Variants in CACNA1C observed in about 807,000 individuals in gnomAD.
CACNA1C encodes the protein voltage-dependent L-type calcium channel subunit alpha-1C.
A neutral mutation model predicts 229.0 loss-of-function variants in CACNA1C; 30 were observed. The ratio of observed to expected loss-of-function variants is 0.13; its 90% CI spans 0.10 to 0.18. The LOEUF (loss-of-function observed/expected upper bound fraction) is 0.18. Among genes scored for constraint, CACNA1C ranks in the 10% least tolerant of loss-of-function variants. The pLI is 1.00. For missense variants in CACNA1C, 1,658 were observed against 2,845.0 expected, an observed-to-expected ratio of 0.58 and a Z score of 9.49; for synonymous variants, 1,114 against 1,132.5, an observed-to-expected ratio of 0.98 and a Z score of 0.33.
chr12:2,578,776 C>G (rs1351568788), intron 13 of CACNA1C, among the ~76,000 whole-genome samples: 1 of 152,146 alleles, frequency 6.6e-6, no homozygotes, highest in Non-Finnish European at 1.5e-5. Context: ...GCAGCTTGGA[C>G]TTTCCCAGAC....
At chr12:2,462,702 G>A (rs1197425244) in intron 5 of CACNA1C, among the ~76,000 whole-genome samples, 1 of 152,196 alleles carries the variant, frequency 6.6e-6, no homozygotes, top group Non-Finnish European at 1.5e-5. Context: ...AGTGGTGCCA[G>A]CTTCCTGGAC....
chr12:2,296,211 C>T (rs1255072653), intron 3 of CACNA1C, among the ~76,000 whole-genome samples: 1 of 152,208 alleles, frequency 6.6e-6, no homozygotes, highest in African/African-American at 2.4e-5. Flanking sequence ...GTGATAGTCA[C>T]TCTGTTCTAA....
At chr12:2,074,019 C>T (rs973171626) in intron 1 of CACNA1C, among the ~76,000 whole-genome samples, 1 of 152,100 alleles carries the variant, frequency 6.6e-6, no homozygotes, top group Non-Finnish European at 1.5e-5. Context: ...TAAGCGGCAC[C>T]ACTGCAATTC....
At chr12:2,175,230 T>C (rs547902976) in intron 3 of CACNA1C, among the ~76,000 whole-genome samples, 1 of 152,344 alleles carries the variant, frequency 6.6e-6, no homozygotes, top group East Asian at 1.9e-4. Flanking sequence ...TGTCGAAATA[T>C]CTTTGCCGGT....
intron 3 of CACNA1C, among the ~76,000 whole-genome samples, chr12:2,244,743 A>G (rs1240210053): frequency 6.6e-6 from 1 of 152,244 alleles, no homozygotes; most frequent in African/African-American, 2.4e-5. Flanking sequence ...CCCCTGCAAG[A>G]ATTCACTGAG....
chr12:2,194,204 CCT>C (rs34270954), intron 3 of CACNA1C, among the ~76,000 whole-genome samples: 45,162 of 147,346 alleles, frequency 0.31, 7,772 homozygotes, highest in South Asian at 0.38. Flanking sequence ...CCTGCTCCCC[CCT>C]GTGTTCCTCC....
Position 2,449,133 on chromosome 12 carries a change from T to C in CACNA1C, c.617+18T>C, listed in dbSNP as rs111778211. ...GTTGTGGGGTAAGTATCACTGTCTGTTTCTTTCCCTTTATCTTACCAGTGT... is the reference window on the plus strand; with the variant it reads ...GTTGTGGGGTAAGTATCACTGTCTGCTTCTTTCCCTTTATCTTACCAGTGT... On this transcript the variant is annotated intron_variant, in intron 4 of 46. Coordinates refer to ENST00000399655, the MANE Select transcript of CACNA1C (RefSeq NM_000719.7). 2.0e-6 allele frequency: 3 copies of C among 1,507,674 alleles called. No homozygotes were observed. The highest frequency in any genetic ancestry group is 2.7e-6 in the Non-Finnish European group (3 of 1,124,474). 93.4% of individuals were successfully genotyped at this position (1,507,674 alleles called of 1,614,324 possible).
intron 13 of CACNA1C, among the ~76,000 whole-genome samples, chr12:2,577,982 C>T (rs899808400): frequency 4.1e-4 from 62 of 151,624 alleles, no homozygotes; most frequent in Admixed American, 1.8e-3. Context: ...CATTCTCCTG[C>T]CTCAGCCTCC....
At chr12:2,041,288 T>C in intron 1 of CACNA1C, among the ~76,000 whole-genome samples, 1 of 138,716 alleles carries the variant, frequency 7.2e-6, no homozygotes, top group East Asian at 2.0e-4. Flanking sequence ...TTTTTTTTTT[T>C]TTTTTTGAGA....
intron 10 of CACNA1C, among the ~76,000 whole-genome samples, chr12:2,551,453 A>G (rs557052385): frequency 6.6e-6 from 1 of 152,154 alleles, no homozygotes; most frequent in Non-Finnish European, 1.5e-5. Context: ...CCACATTCGT[A>G]CTCTGTGCAT....
At chr12:1,990,142 C>T (rs112363212) in intron 1 of CACNA1C, among the ~76,000 whole-genome samples, 4,259 of 152,184 alleles carry the variant, frequency 0.028, 96 homozygotes, top group Middle Eastern at 0.054. Context: ...TGGACCACAG[C>T]GTATCACTTA....
At chr12:2,308,687 T>C (rs576557309) in intron 3 of CACNA1C, among the ~76,000 whole-genome samples, 2 of 152,244 alleles carry the variant, frequency 1.3e-5, no homozygotes, top group South Asian at 2.1e-4. Context: ...GATGGAAAAA[T>C]GGGCAAAGGA....
chr12:2,117,711 C>T (rs2084579552), intron 2 of CACNA1C, among the ~76,000 whole-genome samples: 1 of 152,242 alleles, frequency 6.6e-6, no homozygotes, highest in Non-Finnish European at 1.5e-5. Context: ...GGAGGATGCT[C>T]AGGGCCTGCA....
chr12:2,082,818 A>G (rs538727975), intron 1 of CACNA1C, among the ~76,000 whole-genome samples: 23 of 152,344 alleles, frequency 1.5e-4, no homozygotes, highest in African/African-American at 5.3e-4. Flanking sequence ...TCAGTTTCCT[A>G]TATTTTCAAC....
intron 1 of CACNA1C, among the ~76,000 whole-genome samples, chr12:2,076,130 G>T (rs1446278782): frequency 6.6e-6 from 1 of 152,118 alleles, no homozygotes; most frequent in African/African-American, 2.4e-5. Context: ...GACTCGCCTG[G>T]ATCTGCCTTT....
intron 3 of CACNA1C, among the ~76,000 whole-genome samples, chr12:2,197,205 C>G (rs538904302): frequency 8.4e-4 from 128 of 152,282 alleles, no homozygotes; most frequent in Non-Finnish European, 1.3e-3. Context: ...ACATACCCAC[C>G]ACGCCCTCGG....
At position 2,156,467 on chromosome 12, in the gene CACNA1C, C is replaced by T. The variant is rs568708689; in HGVS notation, c.477+36037C>T. On this transcript the variant is annotated intron_variant, in intron 3 of 46. Transcript: ENST00000399655. ...CAAAATGAATCCAAAGAAGACATCA[C>T]CCACCGGTGTTTATTTGTTCATTTT... Among the ~76,000 whole-genome samples the T allele has an allele frequency of 7.9e-5, 12 of 152,292 alleles. 1 individual carries two copies. The South Asian group carries it at 2.5e-3, about 32-fold the overall frequency.
chr12:2,622,258 C>T (rs1463884942), intron 29 of CACNA1C, among the ~76,000 whole-genome samples: 3 of 152,248 alleles, frequency 2.0e-5, no homozygotes, highest in African/African-American at 7.2e-5. Context: ...ATGAAAAGGG[C>T]CGGACAGAGG....
intron 3 of CACNA1C, among the ~76,000 whole-genome samples, chr12:2,211,617 C>T (rs903082842): frequency 2.0e-5 from 3 of 151,766 alleles, no homozygotes; most frequent in South Asian, 2.1e-4. Flanking sequence ...TTTGGCCTTG[C>T]TTGGAGGTTA....
Sources: gnomAD v4.1 joint callset for allele counts (sites outside exome capture counted in the v4.1 genomes callset) on GRCh38, gnomAD v4.1.1 for gene constraint, MANE v1.5 for transcripts, NCBI Gene and HGNC (gene_info 2026-07-23, HGNC 2026-07-21) for gene names.